The following DPYSL4 variants were observed in gnomAD, a reference collection of about 807,000 sequenced individuals.
The protein encoded by DPYSL4 is dihydropyrimidinase like 4, also known as dihydropyrimidinase-related protein 4.
A neutral mutation model predicts 63.4 loss-of-function variants in DPYSL4; 43 were observed. That is an observed-to-expected ratio of 0.68 (90% CI 0.53 to 0.88). The LOEUF is 0.88. DPYSL4 is among the 40% of genes least tolerant of loss of function. The pLI is 0.00. For missense variants in DPYSL4, 733 were observed against 819.5 expected, an observed-to-expected ratio of 0.89 and a Z score of 1.29; for synonymous variants, 353 against 331.7, an observed-to-expected ratio of 1.06 and a Z score of -0.70.
intron 2 of DPYSL4, 80 bp from the exon 3 acceptor site, chr10:132,192,578 T>C: frequency 6.6e-7 from 1 of 1,508,722 alleles, no homozygotes; most frequent in Non-Finnish European, 8.8e-7. Flanking sequence ...GCAAACCCTT[T>C]AGCTCTGCTG....
Position 132,187,071 on chromosome 10 carries a change from TC to T in DPYSL4, c.10del (p.Gln4ArgfsTer15). 1.6e-6 allele frequency: 2 copies of T among 1,284,570 alleles called. No homozygotes were observed. The highest frequency in any genetic ancestry group is 1.3e-5 in the South Asian group (1 of 76,610). The allele number at this position is 1,284,570 out of a possible 1,614,324, so 79.6% of individuals were successfully genotyped here. On this transcript the variant is annotated frameshift_variant, in exon 1 of 14. Coordinates refer to ENST00000338492, the MANE Select transcript of DPYSL4 (RefSeq NM_006426.3). LOFTEE classifies it high-confidence loss of function. ...GAGACCCCCAGGAGCAGGATGTCCT[TC>T]CAGGGCAAGAAAAGCATCCCCCGGA... MS[F>X]QGKKSIPRIT...
intron 1 of DPYSL4, 78 bp downstream of exon 1, chr10:132,187,180 G>A (rs2061806925): frequency 2.4e-5 from 27 of 1,105,468 alleles, no homozygotes; most frequent in Non-Finnish European, 3.4e-5. Context: ...GGACCCTCCT[G>A]GTCTTGTGCG....
chr10:132,188,333 A>T (rs1590086571), intron 1 of DPYSL4, among the ~76,000 whole-genome samples: 2 of 152,166 alleles, frequency 1.3e-5, no homozygotes, highest in East Asian at 3.9e-4. Flanking sequence ...GTGCCTGAAC[A>T]CTTGGGCGCC....
chr10:132,198,815 C>T, intron 7 of DPYSL4, 36 bp from the exon 8 acceptor site: 1 of 1,610,034 alleles, frequency 6.2e-7, no homozygotes, highest in South Asian at 1.1e-5. Context: ...GCCCCAGGGC[C>T]CTCGTGTGGC....
rs570312056 is a variant in DPYSL4 at position 132,188,935 on chromosome 10, T to C, written c.40-1812T>C. On this transcript the variant is annotated intron_variant, in intron 1 of 13. Coordinates refer to ENST00000338492, the MANE Select transcript of DPYSL4 (RefSeq NM_006426.3). The stretch of plus-strand genomic sequence containing the variant: ...TAGTCTGCCAACCGTTTGTAGACTA[T>C]GGGGTAGAGGTTGACAAGTCACTGG... Among the ~76,000 whole-genome samples, 5 of 152,328 alleles carry C rather than the reference T, an allele frequency of 3.3e-5. No individual in the cohort carries two copies. The East Asian group carries it at 9.7e-4, about 29-fold the overall frequency.
Position 132,200,482 on chromosome 10 carries a change from C to T in DPYSL4, c.938C>T (p.Thr313Met), listed in dbSNP as rs2061998981. The T allele has an allele frequency of 6.2e-6, 10 of 1,613,368 alleles. No individual in the cohort carries two copies. Among genetic ancestry groups the T allele is most frequent in the African/African-American group, 2.7e-5 (2 of 75,048 alleles). Residue 313 changes from threonine to methionine, a missense_variant, in exon 9 of 14, where the codon ACG becomes ATG. Physicochemically the swap from Thr to Met is moderately conservative, Grantham distance 81 (BLOSUM62 -1). Transcript: ENST00000338492. ...TSPPVNPDPT[T>M]ADHLTCLLSS... is the part of the protein sequence containing the mutation. ...CCCCCTGTCAACCCAGACCCCACCA[C>T]GGCGGACCACCTCACCTGCTTGCTG...
chr10:132,192,404 G>A (rs767779736), intron 2 of DPYSL4: 141 of 1,137,888 alleles, frequency 1.2e-4, no homozygotes, highest in Non-Finnish European at 1.5e-4. Context: ...TACCAACCAG[G>A]GACCTGAGTG....
At chr10:132,189,371 A>T (rs2061844511) in intron 1 of DPYSL4, among the ~76,000 whole-genome samples, 1 of 152,222 alleles carries the variant, frequency 6.6e-6, no homozygotes, top group Admixed American at 6.5e-5. Flanking sequence ...TCTGACGGTC[A>T]TGCAGAGTCC....
chr10:132,186,948 G>T lies in DPYSL4; in HGVS notation c.-116G>T. 1 of 435,438 alleles carries T rather than the reference G, an allele frequency of 2.3e-6. No individual in the cohort carries two copies. 27.0% of individuals were successfully genotyped at this position (435,438 alleles called of 1,614,324 possible). A position where few individuals can be genotyped will look rare whatever the true frequency, so the allele number is the denominator to read the frequency against. On this transcript the variant is annotated 5_prime_UTR_variant, in exon 1 of 14. Coordinates refer to ENST00000338492, the MANE Select transcript of DPYSL4 (RefSeq NM_006426.3). ...CGGAGCCGTGCGGCCCCGCGCGCTC[G>T]CAGTCTGTCTCCCGCCGTCCCCACG...
In DPYSL4 at chr10:132,202,887, A is replaced by G. The variant is rs546656622; in HGVS notation, c.1461+62A>G. 325 of 1,528,764 alleles carry G rather than the reference A, an allele frequency of 2.1e-4. 1 individual carries two copies. The African/African-American group carries it at 4.0e-3, about 19-fold the overall frequency. 94.7% of individuals were successfully genotyped at this position (1,528,764 alleles called of 1,614,324 possible). A position where few individuals can be genotyped will look rare whatever the true frequency, so the allele number is the denominator to read the frequency against. On this transcript the variant is annotated intron_variant, in intron 12 of 13. Transcript: ENST00000338492. ...CAGGTGGGCGCTGAGTTCTAGGCCC[A>G]GAACGCACCCCTGGTCAACCTGGCC...
In DPYSL4 at chr10:132,203,794, G is replaced by A; in HGVS notation, c.1494G>A (p.Leu498=). 3.7e-6 allele frequency: 6 copies of A among 1,612,216 alleles called. No individual in the cohort carries two copies. Among genetic ancestry groups the A allele is most frequent in the Middle Eastern group, 1.7e-4 (1 of 6,050 alleles). ...LAEIHGVPRG[L]YDGPVHEVMV... is the part of the protein sequence containing the mutation. ...AGATCCACGGTGTGCCCCGTGGACT[G>A]TATGACGGGCCCGTCCACGAGGTGA... The change falls in exon 13 of 14, where the codon CTG becomes CTA. Residue 498 remains leucine, a synonymous_variant. Transcript: ENST00000338492.
In DPYSL4 at chr10:132,205,541, C is replaced by T. The variant is rs2062086124; in HGVS notation, c.*611C>T. On this transcript the variant is annotated 3_prime_UTR_variant, in exon 14 of 14. Transcript: ENST00000338492. ...CTTTTACGCACCCCAAGGCCCACAC[C>T]TAAGCTTCCATGTAGCCCTCATCCA... 1 of 152,610 alleles carries T rather than the reference C, an allele frequency of 6.6e-6. No homozygotes were observed. Among genetic ancestry groups the T allele is most frequent in the South Asian group, 2.1e-4 (1 of 4,842 alleles). The allele number at this position is 152,610 out of a possible 1,614,324, so 9.5% of individuals were successfully genotyped here. A position where few individuals can be genotyped will look rare whatever the true frequency, so the allele number is the denominator to read the frequency against.
At chr10:132,201,175 C>A (rs762941996) in intron 10 of DPYSL4, among the ~76,000 whole-genome samples, 192 bp downstream of exon 10, 10 of 152,168 alleles carry the variant, frequency 6.6e-5, no homozygotes, top group Non-Finnish European at 1.2e-4. Flanking sequence ...AGATGAGACT[C>A]CAACAGCAAC....
At position 132,190,597 on chromosome 10, in the gene DPYSL4, T is replaced by C. The variant is rs576791001; in HGVS notation, c.40-150T>C. On this transcript the variant is annotated intron_variant, in intron 1 of 13. Coordinates refer to ENST00000338492, the MANE Select transcript of DPYSL4 (RefSeq NM_006426.3). ...GCGCCTGGTGCCACTTCTTGGGGAATAGTAAGCCGCTGCAGGCTTTTGTGC... is the reference window on the plus strand; with the variant it reads ...GCGCCTGGTGCCACTTCTTGGGGAACAGTAAGCCGCTGCAGGCTTTTGTGC... The C allele has an allele frequency of 9.8e-5, 65 of 664,168 alleles. No individual in the cohort carries two copies. In the South Asian group the frequency reaches 1.2e-3, roughly 12 times the overall value. 41.1% of individuals were successfully genotyped at this position (664,168 alleles called of 1,614,324 possible).
chr10:132,203,282 C>G (rs977229389), intron 12 of DPYSL4, among the ~76,000 whole-genome samples: 6 of 12,200 alleles, frequency 4.9e-4, no homozygotes, highest in Admixed American at 1.0e-3. Context: ...CCACGGGAGC[C>G]CCCCCCCCAT....
chr10:132,190,043 C>T (rs2061853056), intron 1 of DPYSL4, among the ~76,000 whole-genome samples: 1 of 152,272 alleles, frequency 6.6e-6, no homozygotes, highest in Admixed American at 6.5e-5. Flanking sequence ...GAACGCTCGC[C>T]ATGTCTGCCT....
Position 132,192,780 on chromosome 10 carries a change from C to T in DPYSL4, c.251C>T (p.Thr84Ile). Reference protein sequence around the residue: ...TRLQMPVLGMTPADDFCQGTK... With the variant: ...TRLQMPVLGMIPADDFCQGTK... Reference sequence around the variant, plus strand: ...CTGCAGATGCCTGTCCTGGGCATGACACCGGCTGACGACTTCTGTCAGGGC... The same window carrying T: ...CTGCAGATGCCTGTCCTGGGCATGATACCGGCTGACGACTTCTGTCAGGGC... Residue 84 changes from threonine to isoleucine, a missense_variant, in exon 3 of 14, where the codon ACA (threonine) becomes ATA (isoleucine). Physicochemically the swap from Thr to Ile is moderately conservative, Grantham distance 89 (BLOSUM62 -1). Transcript: ENST00000338492. The T allele has an allele frequency of 6.2e-7, 1 of 1,613,190 alleles. No homozygotes were observed. The highest frequency in any genetic ancestry group is 8.5e-7 in the Non-Finnish European group (1 of 1,179,948).
intron 12 of DPYSL4, 191 bp from the exon 13 acceptor site, chr10:132,203,571 G>A: frequency 1.7e-6 from 1 of 590,452 alleles, no homozygotes; most frequent in South Asian, 2.1e-5. Context: ...TGCAAGGAGG[G>A]AGGCGTGTGT....
intron 13 of DPYSL4, among the ~76,000 whole-genome samples, chr10:132,204,211 T>C (rs1008018723): frequency 2.0e-5 from 3 of 152,136 alleles, no homozygotes; most frequent in African/African-American, 7.2e-5. Context: ...GGAGTGAGCA[T>C]GGATCCAGCC....
Sources: gnomAD v4.1 joint callset for allele counts (sites outside exome capture counted in the v4.1 genomes callset) on GRCh38, gnomAD v4.1.1 for gene constraint, MANE v1.5 for transcripts, NCBI Gene and HGNC (gene_info 2026-07-23, HGNC 2026-07-21) for gene names.